Variants in ZNF844 observed in about 807,000 individuals in gnomAD.
The protein encoded by ZNF844 is zinc finger protein 844.
Under a neutral mutation model 11.4 loss-of-function variants are expected in ZNF844, and 11 were observed. The observed-to-expected ratio is 0.97, with a 90% confidence interval of 0.61 to 1.60. The LOEUF (loss-of-function observed/expected upper bound fraction) is 1.60, where lower values mean the gene tolerates loss of function less well. Ranked by LOEUF, ZNF844 falls within the 40% of genes most tolerant of loss-of-function variation. The pLI, the probability that ZNF844 is intolerant of heterozygous loss-of-function variation, is 0.00. For synonymous variants in ZNF844, 248 were observed against 260.3 expected (o/e 0.95, Z 0.46); for missense variants, 790 against 796.8 (o/e 0.99, Z 0.10).
At position 12,076,477 on chromosome 19, in the gene ZNF844, G is replaced by C; in HGVS notation, c.1357G>C (p.Val453Leu). 1 of 1,613,434 alleles carries C rather than the reference G, an allele frequency of 6.2e-7. No homozygotes were observed. Among genetic ancestry groups the C allele is most frequent in the Non-Finnish European group, 8.5e-7 (1 of 1,179,836 alleles). ...LERNRMSVSN[V>L]GKPSDLPHTF... ...GAGAAACCGTATGAGTGTAAGCAAT[G>C]TGGGAAAGCCTTCAGATCTGCCTCA... Residue 453 changes from valine (V) to leucine (L), a missense_variant, in exon 4 of 4, where the codon GTG becomes CTG. Val to Leu is a conservative substitution (Grantham distance 32). Around this residue, in one of 3 missense-constraint regions of ZNF844, gnomAD observed 657 missense variants for 636.2 expected, o/e 1.03. Coordinates refer to ENST00000439326, the MANE Select transcript of ZNF844 (RefSeq NM_001136501.3).
chr19:12,080,367 G>T lies in ZNF844; in HGVS notation c.*3246G>T. 2 of 260,664 alleles carry T rather than the reference G, an allele frequency of 7.7e-6. No individual in the cohort carries two copies. The highest frequency in any genetic ancestry group is 1.4e-5 in the Non-Finnish European group (2 of 141,062). The allele number at this position is 260,664 out of a possible 1,614,324, so 16.1% of individuals were successfully genotyped here. A position where few individuals can be genotyped will look rare whatever the true frequency, so the allele number is the denominator to read the frequency against. On this transcript the variant is annotated 3_prime_UTR_variant, in exon 4 of 4. Transcript: ENST00000439326. ...GTCTCAAAAAAAAAAAAAAAAAAAA[G>T]AGAAGTCTGACAGGACAATAAAATT...
chr19:12,072,902 T>C (rs1279011703), intron 1 of ZNF844, among the ~76,000 whole-genome samples: 1 of 151,948 alleles, frequency 6.6e-6, no homozygotes, highest in Non-Finnish European at 1.5e-5. Flanking sequence ...TTCTTTTCTT[T>C]TTAGTTGAAT....
In ZNF844 at chr19:12,081,269, C is replaced by T. The variant is rs1975893968; in HGVS notation, c.*4148C>T. On this transcript the variant is annotated 3_prime_UTR_variant, in exon 4 of 4. Transcript: ENST00000439326. ...GTCCAGTCCAACTAGATAGGAGCTT[C>T]TTCCTCTGCTGCAGTGACTGGTCTC... 1 of 152,156 alleles carries T rather than the reference C, an allele frequency of 6.6e-6. No homozygotes were observed. Among genetic ancestry groups the T allele is most frequent in the African/African-American group, 2.4e-5 (1 of 41,410 alleles). The allele number at this position is 152,156 out of a possible 1,614,324, so 9.4% of individuals were successfully genotyped here. A position where few individuals can be genotyped will look rare whatever the true frequency, so the allele number is the denominator to read the frequency against.
Position 12,064,816 on chromosome 19 carries a change from C to T in ZNF844, c.-58C>T. 6.5e-7 allele frequency: 1 copy of T among 1,542,518 alleles called. No individual in the cohort carries two copies. The highest frequency in any genetic ancestry group is 8.8e-7 in the Non-Finnish European group (1 of 1,142,326). On this transcript the variant is annotated 5_prime_UTR_variant, in exon 1 of 4. Coordinates refer to ENST00000439326, the MANE Select transcript of ZNF844 (RefSeq NM_001136501.3). The stretch of plus-strand genomic sequence containing the variant: ...CCGGTTGCCACCGCCATACTTCTGT[C>T]GCCCTGTCGTCTGTGTTGTGACTGC...
rs905990125 is a variant in ZNF844 at position 12,074,551 on chromosome 19, A to G, written c.191+130A>G. On this transcript the variant is annotated intron_variant, in intron 3 of 3. Coordinates refer to ENST00000439326, the MANE Select transcript of ZNF844 (RefSeq NM_001136501.3). ...TATTTACTCTTAAAATATTCACTCT[A>G]AAAACCTACATTTAAATGTGATCTA... is the stretch of plus-strand genomic sequence containing the variant. 5 of 742,334 alleles carry G rather than the reference A, an allele frequency of 6.7e-6. No homozygotes were observed. The East Asian group carries it at 8.4e-5, about 12-fold the overall frequency. The allele number at this position is 742,334 out of a possible 1,614,324, so 46.0% of individuals were successfully genotyped here. A position where few individuals can be genotyped will look rare whatever the true frequency, so the allele number is the denominator to read the frequency against.
rs1975841923 is a variant in ZNF844 at position 12,077,421 on chromosome 19, G to A, written c.*300G>A. 1.7e-5 allele frequency: 11 copies of A among 643,580 alleles called. No individual in the cohort carries two copies. Among genetic ancestry groups the A allele is most frequent in the Non-Finnish European group, 2.9e-5 (10 of 346,002 alleles). The allele number at this position is 643,580 out of a possible 1,614,324, so 39.9% of individuals were successfully genotyped here. On this transcript the variant is annotated 3_prime_UTR_variant, in exon 4 of 4. Transcript: ENST00000439326. The stretch of plus-strand genomic sequence containing the variant: ...TGGTAAAGCCTTCATGTCTTCTACT[G>A]CATTTCAGTATCATGAAAAGACCCA...
Position 12,076,856 on chromosome 19 carries a change from GCA to G in ZNF844, c.1739_1740del (p.Thr580ArgfsTer63), listed in dbSNP as rs1975830594. ...CTTCCTTTCAAATACATGCAACAATGCACAGAGGACAGAATGCCTATGAATGT... is the reference window on the plus strand; with the variant it reads ...CTTCCTTTCAAATACATGCAACAATGCAGAGGACAGAATGCCTATGAATGT... On this transcript the variant is annotated frameshift_variant, in exon 4 of 4. Transcript: ENST00000439326. LOFTEE classifies it low-confidence loss of function (END_TRUNC). 1.3e-6 allele frequency: 2 copies of G among 1,562,710 alleles called. No individual in the cohort carries two copies. The highest frequency in any genetic ancestry group is 2.7e-5 in the African/African-American group (2 of 72,996).
In ZNF844 at chr19:12,077,871, C is replaced by G. The variant is rs956819846; in HGVS notation, c.*750C>G. 1 of 273,532 alleles carries G rather than the reference C, an allele frequency of 3.7e-6. No homozygotes were observed. Among genetic ancestry groups the G allele is most frequent in the Admixed American group, 4.7e-5 (1 of 21,058 alleles). The allele number at this position is 273,532 out of a possible 1,614,324, so 16.9% of individuals were successfully genotyped here. A position where few individuals can be genotyped will look rare whatever the true frequency, so the allele number is the denominator to read the frequency against. ...TGAGACAGAGTCTCGCTCTGTCACCCAGGCTGGAGTGCAGTGGCGTGATCT... is the reference window on the plus strand; with the variant it reads ...TGAGACAGAGTCTCGCTCTGTCACCGAGGCTGGAGTGCAGTGGCGTGATCT... On this transcript the variant is annotated 3_prime_UTR_variant, in exon 4 of 4. Coordinates refer to ENST00000439326, the MANE Select transcript of ZNF844 (RefSeq NM_001136501.3).
chr19:12,070,430 C>G (rs932678628), intron 1 of ZNF844, among the ~76,000 whole-genome samples: 1 of 152,208 alleles, frequency 6.6e-6, no homozygotes, highest in African/African-American at 2.4e-5. Flanking sequence ...AGGAGGTGAA[C>G]TCTACCCTGT....
Position 12,064,893 on chromosome 19 carries a change from G to T in ZNF844, c.3+17G>T, listed in dbSNP as rs1975670690. ...CAGGAAATGGTGAGTGTGAGCCCCC[G>T]CTGGGAGTCCCGAGACTTGGGGGAG... is the stretch of plus-strand genomic sequence containing the variant. On this transcript the variant is annotated intron_variant, in intron 1 of 3. Coordinates refer to ENST00000439326, the MANE Select transcript of ZNF844 (RefSeq NM_001136501.3). The T allele has an allele frequency of 3.2e-6, 5 of 1,548,718 alleles. No individual in the cohort carries two copies. Among genetic ancestry groups the T allele is most frequent in the African/African-American group, 1.4e-5 (1 of 72,912 alleles).
Position 12,076,490 on chromosome 19 carries a change from C to T in ZNF844, c.1370C>T (p.Ser457Leu), listed in dbSNP as rs746107574. 6.2e-7 allele frequency: 1 copy of T among 1,610,748 alleles called. No homozygotes were observed. ...RMSVSNVGKP[S>L]DLPHTFKCME... ...AGTGTAAGCAATGTGGGAAAGCCTT[C>T]AGATCTGCCTCACACCTTCAAATGC... The change falls in exon 4 of 4, where the codon TCA becomes TTA. Residue 457 changes from serine (S) to leucine (L), a missense_variant. By Grantham distance (145) the Ser-to-Leu change is moderately radical. Around this residue, in one of 3 missense-constraint regions of ZNF844, gnomAD observed 657 missense variants for 636.2 expected, o/e 1.03. Transcript: ENST00000439326.
chr19:12,080,218 T>C lies in ZNF844; in HGVS notation c.*3097T>C, dbSNP rs913251142. On this transcript the variant is annotated 3_prime_UTR_variant, in exon 4 of 4. Transcript: ENST00000439326. ...CAAAAAAACTAGCTGGGCGTGGTGG[T>C]GGGCGCCTGTAGTCCCAGCTACTCG... 10 of 197,036 alleles carry C rather than the reference T, an allele frequency of 5.1e-5. No homozygotes were observed. Among genetic ancestry groups the C allele is most frequent in the Admixed American group, 2.5e-4 (4 of 16,162 alleles). 12.2% of individuals were successfully genotyped at this position (197,036 alleles called of 1,614,324 possible). A position where few individuals can be genotyped will look rare whatever the true frequency, so the allele number is the denominator to read the frequency against.
rs796591492 is a variant in ZNF844, at chr19:12,078,732, A to C, written c.*1611A>C. On this transcript the variant is annotated 3_prime_UTR_variant, in exon 4 of 4. Coordinates refer to ENST00000439326, the MANE Select transcript of ZNF844 (RefSeq NM_001136501.3). Reference sequence around the variant, plus strand: ...TGTCTTCAAAGAGGGTATAATTCACAAAAGGACTTACACTAGAGGAAAACC... The same window carrying C: ...TGTCTTCAAAGAGGGTATAATTCACCAAAGGACTTACACTAGAGGAAAACC... 1 of 152,346 alleles carries C rather than the reference A, an allele frequency of 6.6e-6. No homozygotes were observed. Among genetic ancestry groups the C allele is most frequent in the South Asian group, 2.1e-4 (1 of 4,836 alleles). The allele number at this position is 152,346 out of a possible 1,614,324, so 9.4% of individuals were successfully genotyped here.
At chr19:12,074,002 T>C in intron 1 of ZNF844, 29 bp from the exon 2 acceptor site, 1 of 1,603,866 alleles carries the variant, frequency 6.2e-7, no homozygotes, top group African/African-American at 1.3e-5. Flanking sequence ...GTCTCACCCA[T>C]CCTCCTCTAT....
chr19:12,073,217 T>C (rs1349110362), intron 1 of ZNF844, among the ~76,000 whole-genome samples: 2 of 152,034 alleles, frequency 1.3e-5, no homozygotes, highest in East Asian at 3.9e-4. Flanking sequence ...TGGAGTGCAA[T>C]GGTGCGATCT....
chr19:12,074,207 G>C, intron 2 of ZNF844, 50 bp downstream of exon 2: 1 of 1,606,674 alleles, frequency 6.2e-7, no homozygotes, highest in Middle Eastern at 1.7e-4. Context: ...AGTGTTTCTA[G>C]CTCATTAATG....
chr19:12,069,682 C>T (rs1277014269), intron 1 of ZNF844, among the ~76,000 whole-genome samples: 3 of 150,502 alleles, frequency 2.0e-5, no homozygotes, highest in African/African-American at 2.4e-5. Context: ...AGGCCAGGTG[C>T]GGTGGCTCAC....
chr19:12,071,891 T>C (rs1449349048), intron 1 of ZNF844, among the ~76,000 whole-genome samples: 1 of 151,074 alleles, frequency 6.6e-6, no homozygotes. Flanking sequence ...TTCTTTTTTT[T>C]TTTTTTGTTT....
chr19:12,066,906 A>G (rs1021272463), intron 1 of ZNF844, among the ~76,000 whole-genome samples: 1 of 152,186 alleles, frequency 6.6e-6, no homozygotes, highest in Non-Finnish European at 1.5e-5. Context: ...CTTGAAAGGT[A>G]AAGACAAGAG....
Sources: allele counts gnomAD v4.1 joint callset (sites outside exome capture counted in the v4.1 genomes callset), GRCh38; gene constraint gnomAD v4.1.1; regional missense constraint gnomAD v4.1.1; transcripts MANE v1.5; gene names NCBI Gene and HGNC (gene_info 2026-07-23, HGNC 2026-07-21).